GRIN2B: variants seen among roughly 807,000 people sequenced by gnomAD.
GRIN2B encodes glutamate receptor ionotropic, NMDA 2B.
Under a neutral mutation model 114.5 loss-of-function variants are expected in GRIN2B, and 5 were observed. The ratio of observed to expected loss-of-function variants is 0.04; its 90% confidence interval spans 0.02 to 0.09. The LOEUF (loss-of-function observed/expected upper bound fraction) is 0.09. GRIN2B is among the 10% of genes least tolerant of loss of function. The probability of loss-of-function intolerance (pLI) is 1.00; values close to 1 mark genes in which losing one functional copy is unlikely to be tolerated. For synonymous variants in GRIN2B, 787 were observed against 745.1 expected (o/e 1.06, Z -0.92); for missense variants, 1,108 against 1,943.5 (o/e 0.57, Z 8.08).
intron 10 of GRIN2B, among the ~76,000 whole-genome samples, chr12:13,576,167 T>A (rs1275322048): frequency 6.6e-6 from 1 of 152,198 alleles, no homozygotes; most frequent in Non-Finnish European, 1.5e-5. Flanking sequence ...AGAGATTTTT[T>A]ATACTGTCAT....
chr12:13,974,330 G>A (rs1247279717), intron 2 of GRIN2B, among the ~76,000 whole-genome samples: 1 of 152,172 alleles, frequency 6.6e-6, no homozygotes, highest in African/African-American at 2.4e-5. Flanking sequence ...TAATAAACAA[G>A]GCTAGGATTT....
intron 10 of GRIN2B, among the ~76,000 whole-genome samples, chr12:13,581,330 C>T (rs1195325387): frequency 6.6e-6 from 1 of 152,110 alleles, no homozygotes; most frequent in East Asian, 1.9e-4. Flanking sequence ...CCATGTTTTC[C>T]ATCACTAAAT....
At chr12:13,840,218 C>T (rs1865354985) in intron 3 of GRIN2B, among the ~76,000 whole-genome samples, 2 of 152,190 alleles carry the variant, frequency 1.3e-5, no homozygotes, top group Non-Finnish European at 2.9e-5. Flanking sequence ...ACTTCACTCC[C>T]TCTGGATTTT....
At chr12:13,730,796 G>A (rs900065748) in intron 4 of GRIN2B, among the ~76,000 whole-genome samples, 1 of 152,206 alleles carries the variant, frequency 6.6e-6, no homozygotes, top group African/African-American at 2.4e-5. Flanking sequence ...ATTAATCCCT[G>A]ATTAATGGTA....
intron 2 of GRIN2B, among the ~76,000 whole-genome samples, chr12:13,940,298 T>A (rs182941380): frequency 6.6e-6 from 1 of 152,294 alleles, no homozygotes; most frequent in East Asian, 1.9e-4. Context: ...TACCTCAGAC[T>A]GCTTTATGAT....
At chr12:13,859,338 T>C (rs1056936636) in intron 3 of GRIN2B, among the ~76,000 whole-genome samples, 2 of 152,218 alleles carry the variant, frequency 1.3e-5, no homozygotes, top group African/African-American at 4.8e-5. Context: ...TTTCTATGAA[T>C]GTCGAAGCAA....
At chr12:13,815,804 T>A (rs1864812168) in intron 3 of GRIN2B, among the ~76,000 whole-genome samples, 1 of 152,234 alleles carries the variant, frequency 6.6e-6, no homozygotes. Context: ...AATGTGCTTG[T>A]ATACTTTCAC....
intron 3 of GRIN2B, among the ~76,000 whole-genome samples, chr12:13,841,791 G>T (rs866182531): frequency 6.6e-6 from 1 of 152,032 alleles, no homozygotes; most frequent in Non-Finnish European, 1.5e-5. Context: ...ACAGCGAGAT[G>T]TATTCAATTT....
chr12:13,641,861 A>G (rs763660929), intron 5 of GRIN2B, among the ~76,000 whole-genome samples: 1 of 152,154 alleles, frequency 6.6e-6, no homozygotes, highest in Non-Finnish European at 1.5e-5. Flanking sequence ...TTTCTATACA[A>G]GTGAAATTTA....
chr12:13,690,060 ACTTGTCTGTAT>A (rs982503369), intron 4 of GRIN2B, among the ~76,000 whole-genome samples: 8 of 151,876 alleles, frequency 5.3e-5, no homozygotes, highest in African/African-American at 1.7e-4. Context: ...TTAATTTTTT[ACTTGTCTGTAT>A]CTTGTCTTCC....
intron 2 of GRIN2B, among the ~76,000 whole-genome samples, 161 bp from the exon 3 acceptor site, chr12:13,866,387 G>T (rs1390282056): frequency 6.6e-6 from 1 of 152,124 alleles, no homozygotes; most frequent in Non-Finnish European, 1.5e-5. Context: ...TATTTGCTCT[G>T]CAGAATGAGA....
intron 2 of GRIN2B, among the ~76,000 whole-genome samples, chr12:13,943,129 C>T (rs1867291616): frequency 1.3e-5 from 2 of 152,162 alleles, no homozygotes; most frequent in South Asian, 4.1e-4. Context: ...CCCCCAGGCA[C>T]TTCTCAGTAG....
At chr12:13,762,580 G>A (rs79112418) in intron 3 of GRIN2B, among the ~76,000 whole-genome samples, 158 of 152,340 alleles carry the variant, frequency 1.0e-3, no homozygotes, top group African/African-American at 3.3e-3. Flanking sequence ...GCAGAGAAGC[G>A]GAAGGGTAGA....
At chr12:13,949,956 G>A (rs1867449385) in intron 2 of GRIN2B, among the ~76,000 whole-genome samples, 1 of 152,096 alleles carries the variant, frequency 6.6e-6, no homozygotes, top group Admixed American at 6.6e-5. Flanking sequence ...TCAAAAGAGA[G>A]CAACAAAAAG....
rs1334152641 is a variant in GRIN2B at position 13,636,635 on chromosome 12, A to T, written c.1126-19978T>A. 2.0e-5 allele frequency among the ~76,000 whole-genome samples: 3 copies of T among 152,184 alleles called. No individual in the cohort carries two copies. In the East Asian group the frequency reaches 5.8e-4, roughly 29 times the overall value. Reference sequence around the variant, plus strand: ...GGGTTGAGAGAAAGAGAGAAATCGAAGATAACTCTGAGGTTTTGGGCCCAA... The same window carrying T: ...GGGTTGAGAGAAAGAGAGAAATCGATGATAACTCTGAGGTTTTGGGCCCAA... On this transcript the variant is annotated intron_variant, in intron 5 of 13. Coordinates refer to ENST00000609686, the MANE Select transcript of GRIN2B (RefSeq NM_000834.5).
intron 2 of GRIN2B, among the ~76,000 whole-genome samples, chr12:13,894,139 C>A (rs1591607468): frequency 6.6e-6 from 1 of 152,016 alleles, no homozygotes; most frequent in Non-Finnish European, 1.5e-5. Context: ...TAAATTGATA[C>A]AAACCATTTT....
At chr12:13,575,489 T>A (rs1406684539) in intron 10 of GRIN2B, among the ~76,000 whole-genome samples, 1 of 151,890 alleles carries the variant, frequency 6.6e-6, no homozygotes, top group Non-Finnish European at 1.5e-5. Flanking sequence ...TGAAATCCCA[T>A]CTCTACCAAA....
chr12:13,708,806 G>T (rs2136577761), intron 4 of GRIN2B, among the ~76,000 whole-genome samples: 1 of 152,044 alleles, frequency 6.6e-6, no homozygotes, highest in South Asian at 2.1e-4. Context: ...TGTTTTCTTT[G>T]TTTATTAGCT....
chr12:13,659,213 G>A (rs774655875), intron 5 of GRIN2B, among the ~76,000 whole-genome samples: 7 of 152,110 alleles, frequency 4.6e-5, no homozygotes, highest in Admixed American at 2.0e-4. Context: ...CTGCTTCCCC[G>A]TCACTAATTT....
Sources: gnomAD v4.1 joint callset for allele counts (sites outside exome capture counted in the v4.1 genomes callset) on GRCh38, gnomAD v4.1.1 for gene constraint, MANE v1.5 for transcripts, NCBI Gene and HGNC (gene_info 2026-07-23, HGNC 2026-07-21) for gene names.